PRKN: variants seen among roughly 807,000 people sequenced by gnomAD.
PRKN encodes the protein E3 ubiquitin-protein ligase parkin.
PRKN carries 56 observed loss-of-function variants against 59.5 expected under a neutral mutation model. The observed-to-expected ratio is 0.94, with a 90% CI of 0.76 to 1.18. The LOEUF is 1.18. Among genes scored for constraint, PRKN ranks in the 50% most tolerant of loss-of-function variants. The pLI is 0.00. For synonymous variants in PRKN, 250 were observed against 222.1 expected (o/e 1.13, Z -1.12); for missense variants, 657 against 596.4 (o/e 1.10, Z -1.06).
chr6:162,268,373 C>T (rs1780227455), intron 2 of PRKN, among the ~76,000 whole-genome samples: 1 of 152,148 alleles, frequency 6.6e-6, no homozygotes, highest in Admixed American at 6.5e-5. Context: ...TAGCTCTTCC[C>T]CTCTTCCAGC....
rs957207444 is a variant in PRKN, at chr6:161,428,536, C to G, written c.1084-41659G>C. On this transcript the variant is annotated intron_variant, in intron 9 of 11. Transcript: ENST00000366898. This position sits in a 1 kb window ranked among gnomAD's most constrained non-coding sequence, Gnocchi z 4.0. ...GGCAGCAGCCATAAAGGCCGTGGCA[C>G]CTTCTTGCATCTCTAAGTGTGTGGC... is the stretch of plus-strand genomic sequence containing the variant. Among the ~76,000 whole-genome samples the G allele has an allele frequency of 2.0e-4, 30 of 152,296 alleles. No individual in the cohort carries two copies. Among genetic ancestry groups the G allele is most frequent in the African/African-American group, 6.5e-4 (27 of 41,566 alleles).
intron 6 of PRKN, among the ~76,000 whole-genome samples, chr6:161,950,494 G>T (rs1373519051): frequency 2.0e-5 from 3 of 152,158 alleles, no homozygotes; most frequent in African/African-American, 7.2e-5. Flanking sequence ...AAGTGAAGCC[G>T]AGATTGCGCC....
At chr6:162,132,240 C>T (rs1781392692) in intron 4 of PRKN, among the ~76,000 whole-genome samples, 2 of 152,222 alleles carry the variant, frequency 1.3e-5, no homozygotes, top group East Asian at 3.9e-4. Flanking sequence ...TGTTGGATTG[C>T]AGATTCATAC....
chr6:162,055,588 AAGG>A (rs979323716), intron 4 of PRKN, among the ~76,000 whole-genome samples: 3 of 152,092 alleles, frequency 2.0e-5, no homozygotes, highest in Admixed American at 2.0e-4. Flanking sequence ...GTGACACAGA[AAGG>A]AGGAGGAGGG....
At chr6:162,492,831 T>TA (rs1327685498) in intron 1 of PRKN, among the ~76,000 whole-genome samples, 1 of 151,778 alleles carries the variant, frequency 6.6e-6, no homozygotes, top group Non-Finnish European at 1.5e-5. Flanking sequence ...CACATGCCTG[T>TA]AGTCCCAGCT....
rs1783914409 is a variant in PRKN at position 161,645,931 on chromosome 6, G to T, written c.872-76515C>A. On this transcript the variant is annotated intron_variant, in intron 7 of 11. Transcript: ENST00000366898. ...GCGTATCAGTGACAGTGGTGACTGC[G>T]TGTGCATGCGTGGCGGAGGAGGTGG... 2.0e-5 allele frequency among the ~76,000 whole-genome samples: 3 copies of T among 150,094 alleles called. 1 individual carries two copies. Among genetic ancestry groups the T allele is most frequent in the Admixed American group, 2.0e-4 (3 of 15,094 alleles).
chr6:162,111,540 A>G (rs1780440336), intron 4 of PRKN, among the ~76,000 whole-genome samples: 1 of 152,104 alleles, frequency 6.6e-6, no homozygotes, highest in African/African-American at 2.4e-5. Context: ...GCACACTCAC[A>G]TACATACACA....
At chr6:162,036,251 G>C (rs1024130775) in intron 5 of PRKN, among the ~76,000 whole-genome samples, 14 of 151,892 alleles carry the variant, frequency 9.2e-5, no homozygotes, top group African/African-American at 3.1e-4. Context: ...GTGAACCCGG[G>C]AGGCGGAGCT....
intron 5 of PRKN, among the ~76,000 whole-genome samples, chr6:161,981,521 A>T (rs1252312912): frequency 1.3e-5 from 2 of 152,140 alleles, no homozygotes; most frequent in African/African-American, 2.4e-5. Context: ...CTTTAAAAAC[A>T]AACAGAAACT....
At chr6:161,350,576 A>AAAATATAT (rs1342146104) in intron 11 of PRKN, among the ~76,000 whole-genome samples, 2 of 138,104 alleles carry the variant, frequency 1.4e-5, no homozygotes, top group Non-Finnish European at 3.1e-5. Context: ...ATTTATATTT[A>AAAATATAT]AAATATATAA....
intron 6 of PRKN, among the ~76,000 whole-genome samples, chr6:161,952,146 G>A (rs1416097696): frequency 6.6e-6 from 1 of 152,094 alleles, no homozygotes; most frequent in Non-Finnish European, 1.5e-5. Context: ...TGAACCCTCG[G>A]AAAGGAGCTG....
intron 7 of PRKN, among the ~76,000 whole-genome samples, chr6:161,653,312 C>T (rs952682654): frequency 2.6e-5 from 4 of 152,110 alleles, no homozygotes; most frequent in East Asian, 1.9e-4. Context: ...TGCAGTGAGC[C>T]GAGATCACGC....
chr6:161,955,226 C>T (rs1246248561), intron 6 of PRKN, among the ~76,000 whole-genome samples: 1 of 152,230 alleles, frequency 6.6e-6, no homozygotes, highest in East Asian at 1.9e-4. Flanking sequence ...TGCTCAACAG[C>T]AGCCCTGGCA....
rs1794525632 is a variant in PRKN at position 161,874,235 on chromosome 6, T to TATATATTATATGTAAA, written c.735-88328_735-88327insTTTACATATAATATAT. ...AAAATATAATATATATTATATATAATATATAATATATAATATATATTATAT... is the reference window on the plus strand; with the variant it reads ...AAAATATAATATATATTATATATAATATATATTATATGTAAAATATAATATATAATATATATTATAT... On this transcript the variant is annotated intron_variant, in intron 6 of 11. Coordinates refer to ENST00000366898, the MANE Select transcript of PRKN (RefSeq NM_004562.3). Among the ~76,000 whole-genome samples, 19 of 8,738 alleles carry TATATATTATATGTAAA rather than the reference T, an allele frequency of 2.2e-3. 4 individuals carry two copies. Among genetic ancestry groups the TATATATTATATGTAAA allele is most frequent in the Non-Finnish European group, 5.7e-3 (18 of 3,168 alleles). The allele number at this position is 8,738 out of a possible 152,430, so 5.7% of individuals were successfully genotyped here.
chr6:161,667,092 A>G (rs1018917439), intron 7 of PRKN, among the ~76,000 whole-genome samples: 41 of 152,214 alleles, frequency 2.7e-4, no homozygotes, highest in Non-Finnish European at 3.2e-4. Flanking sequence ...ACACAGAAAG[A>G]GCAGCCCTGC....
intron 1 of PRKN, among the ~76,000 whole-genome samples, chr6:162,505,339 A>G (rs950403347): frequency 7.9e-5 from 12 of 152,200 alleles, no homozygotes; most frequent in African/African-American, 2.9e-4. Flanking sequence ...AGTGTCATAA[A>G]AAGGCATGGC....
chr6:161,580,981 C>T (rs1425680315), intron 7 of PRKN, among the ~76,000 whole-genome samples: 1 of 151,752 alleles, frequency 6.6e-6, no homozygotes, highest in African/African-American at 2.4e-5. Context: ...GCAGATGGAT[C>T]ACCTTAGGTC....
chr6:162,384,680 CAT>C (rs1356834260), intron 2 of PRKN, among the ~76,000 whole-genome samples: 7 of 147,862 alleles, frequency 4.7e-5, no homozygotes, highest in Non-Finnish European at 3.0e-5. Flanking sequence ...AAAAAACACT[CAT>C]TATCTGCAAA....
intron 2 of PRKN, among the ~76,000 whole-genome samples, chr6:162,438,287 A>G (rs546167824): frequency 1.3e-5 from 2 of 152,314 alleles, no homozygotes; most frequent in African/African-American, 2.4e-5. Flanking sequence ...AGACAATGCT[A>G]TAACTTTTGC....
Sources: gnomAD v4.1 joint callset for allele counts (sites outside exome capture counted in the v4.1 genomes callset) on GRCh38, gnomAD v4.1.1 for gene constraint, Gnocchi (gnomAD v3.1) non-coding constraint, MANE v1.5 for transcripts, NCBI Gene and HGNC (gene_info 2026-07-23, HGNC 2026-07-21) for gene names.